Variants in STK32A observed in about 807,000 individuals in gnomAD.
The protein encoded by STK32A is serine/threonine kinase 32A, also known as serine/threonine-protein kinase 32A.
A neutral mutation model predicts 53.2 loss-of-function variants in STK32A; 41 were observed. The observed-to-expected ratio is 0.77, with a 90% confidence interval of 0.60 to 1.00. STK32A has a LOEUF of 1.00. Among genes scored for constraint, STK32A ranks in the 50% least tolerant of loss-of-function variants. The probability of loss-of-function intolerance (pLI) is 0.00; values close to 1 mark genes in which losing one functional copy is unlikely to be tolerated. For synonymous variants in STK32A, 166 were observed against 162.8 expected, an observed-to-expected ratio of 1.02 and a Z score of -0.15; for missense variants, 458 against 485.8, an observed-to-expected ratio of 0.94 and a Z score of 0.54.
chr5:147,261,643 T>A (rs1360177759), intron 2 of STK32A, among the ~76,000 whole-genome samples: 1 of 152,172 alleles, frequency 6.6e-6, no homozygotes, highest in Non-Finnish European at 1.5e-5. Flanking sequence ...TATTAATTCT[T>A]TGAAAAGAAA....
chr5:147,271,826 A>G (rs537533371), intron 2 of STK32A, among the ~76,000 whole-genome samples: 10 of 152,234 alleles, frequency 6.6e-5, no homozygotes, highest in East Asian at 3.9e-4. Context: ...ATCAATGACA[A>G]TGGTGCCCGA....
chr5:147,334,335 C>T (rs988565843), intron 5 of STK32A, among the ~76,000 whole-genome samples: 3 of 152,176 alleles, frequency 2.0e-5, no homozygotes, highest in South Asian at 2.1e-4. Context: ...AGTTTTACTA[C>T]GTGTACAGTC....
the STK32A span, among the ~76,000 whole-genome samples, chr5:147,401,251 T>C: frequency 1.3e-5 from 2 of 152,204 alleles, no homozygotes; most frequent in Non-Finnish European, 2.9e-5. Flanking sequence ...CTCATAAAGT[T>C]GTTAGGAGAA....
intron 8 of STK32A, among the ~76,000 whole-genome samples, chr5:147,366,607 TA>T (rs1756758413): frequency 6.6e-6 from 1 of 152,250 alleles, no homozygotes; most frequent in Non-Finnish European, 1.5e-5. Flanking sequence ...TTACTTTATG[TA>T]TCCTGTGAAT....
intron 2 of STK32A, among the ~76,000 whole-genome samples, chr5:147,243,658 T>C (rs939933641): frequency 2.0e-5 from 3 of 148,386 alleles, no homozygotes; most frequent in African/African-American, 7.4e-5. Context: ...GGAGAATCTC[T>C]TGAACCTGGG....
chr5:147,389,610 T>C (rs1561765996), downstream of STK32A, among the ~76,000 whole-genome samples: 3 of 152,168 alleles, frequency 2.0e-5, no homozygotes, highest in Non-Finnish European at 4.4e-5. Context: ...CCTGGCCAGG[T>C]GTAATCCCAG....
chr5:147,317,842 A>G (rs1054684289), intron 4 of STK32A, among the ~76,000 whole-genome samples: 1 of 152,220 alleles, frequency 6.6e-6, no homozygotes, highest in South Asian at 2.1e-4. Flanking sequence ...TGAGGATCTC[A>G]GGACAACTAC....
At chr5:147,336,557 C>A (rs2151984791) in intron 5 of STK32A, among the ~76,000 whole-genome samples, 1 of 152,234 alleles carries the variant, frequency 6.6e-6, no homozygotes, top group African/African-American at 2.4e-5. Context: ...TTTCAGTAAA[C>A]TTTACTATGC....
chr5:147,299,714 T>C (rs1414063716), intron 4 of STK32A, among the ~76,000 whole-genome samples: 1 of 152,166 alleles, frequency 6.6e-6, no homozygotes, highest in Non-Finnish European at 1.5e-5. Context: ...CTGAATATAC[T>C]CCAATTAACA....
chr5:147,342,435 T>C (rs1455740828), intron 5 of STK32A: 1 of 152,964 alleles, frequency 6.5e-6, no homozygotes, highest in Non-Finnish European at 1.5e-5. Flanking sequence ...GCTGTGGGGT[T>C]AAGGGTGAAT....
At chr5:147,289,785 C>T (rs1294875647) in intron 4 of STK32A, among the ~76,000 whole-genome samples, 1 of 152,064 alleles carries the variant, frequency 6.6e-6, no homozygotes, top group Non-Finnish European at 1.5e-5. Flanking sequence ...TCACTTCTAA[C>T]ATGTTGGTGT....
Position 147,314,549 on chromosome 5 carries a change from A to T in STK32A, c.261-9349A>T, listed in dbSNP as rs1392008609. On this transcript the variant is annotated intron_variant, in intron 4 of 12. Coordinates refer to ENST00000397936, the MANE Select transcript of STK32A (RefSeq NM_001112724.2). ...AAACAAAAAAAAAAAAAGAACAAAG[A>T]TTTCTTCCAAGTCAATAATAAAAAC... Among the ~76,000 whole-genome samples the T allele has an allele frequency of 5.4e-5, 8 of 149,504 alleles. 1 individual carries two copies. The highest frequency in any genetic ancestry group is 1.2e-4 in the Non-Finnish European group (8 of 67,602).
chr5:147,317,319 CTTTCTTTTTTTTTTTTTTT>C (rs1754047006), intron 4 of STK32A, among the ~76,000 whole-genome samples: 1 of 80,700 alleles, frequency 1.2e-5, no homozygotes, highest in Non-Finnish European at 2.5e-5. Context: ...TTTTCTTTTT[CTTTCTTTTTTTTTTTTTTT>C]TTTTTTTTTG....
At chr5:147,357,299 A>G (rs1756291627) in intron 7 of STK32A, among the ~76,000 whole-genome samples, 1 of 152,084 alleles carries the variant, frequency 6.6e-6, no homozygotes, top group Non-Finnish European at 1.5e-5. Context: ...GTGCTACACT[A>G]TCAATATCTT....
chr5:147,249,275 T>G (rs1375068022), intron 2 of STK32A, among the ~76,000 whole-genome samples: 1 of 152,130 alleles, frequency 6.6e-6, no homozygotes, highest in Non-Finnish European at 1.5e-5. Context: ...TTTTCTCATA[T>G]GTAGAAGGGG....
intron 11 of STK32A, 62 bp downstream of exon 11, chr5:147,375,280 G>C (rs1226987182): frequency 1.3e-6 from 2 of 1,563,422 alleles, no homozygotes; most frequent in East Asian, 2.3e-5. Flanking sequence ...CAATATCTTC[G>C]AGAGCTTCTA....
the STK32A span, chr5:147,393,877 C>G: frequency 1.4e-6 from 1 of 733,740 alleles, no homozygotes; most frequent in South Asian, 1.9e-5. Flanking sequence ...TAAAGCTAGG[C>G]AAGCGAGCGT....
chr5:147,329,776 G>A (rs1367434516), intron 5 of STK32A, among the ~76,000 whole-genome samples: 3 of 152,150 alleles, frequency 2.0e-5, no homozygotes, highest in Non-Finnish European at 4.4e-5. Context: ...GCCCTCATAA[G>A]TGGATACTAC....
rs543325323 is a variant in STK32A, at chr5:147,324,346, G to A, written c.434+275G>A. ...TAAGCTTAGACAAAAAGGAGAAAAGGTGACATATAGAAACCTAATAAATAT... is the reference window on the plus strand; with the variant it reads ...TAAGCTTAGACAAAAAGGAGAAAAGATGACATATAGAAACCTAATAAATAT... On this transcript the variant is annotated intron_variant, in intron 5 of 12. Coordinates refer to ENST00000397936, the MANE Select transcript of STK32A (RefSeq NM_001112724.2). 3.1e-3 allele frequency among the ~76,000 whole-genome samples: 467 copies of A among 152,234 alleles called. 3 individuals carry two copies. Among genetic ancestry groups the A allele is most frequent in the African/African-American group, 0.011 (446 of 41,536 alleles).
Sources: gnomAD v4.1 joint callset for allele counts (sites outside exome capture counted in the v4.1 genomes callset) on GRCh38, gnomAD v4.1.1 for gene constraint, MANE v1.5 for transcripts, NCBI Gene and HGNC (gene_info 2026-07-23, HGNC 2026-07-21) for gene names.